Variants in CCAR1 observed in about 807,000 individuals in gnomAD.
CCAR1 encodes the protein cell division cycle and apoptosis regulator 1.
CCAR1 carries 78 observed loss-of-function variants against 163.8 expected under a neutral mutation model. The ratio of observed to expected loss-of-function variants is 0.48; its 90% CI spans 0.40 to 0.57. The LOEUF (loss-of-function observed/expected upper bound fraction) is 0.57, where lower values mean the gene tolerates loss of function less well. Ranked by LOEUF, CCAR1 falls within the 20% of genes least tolerant of loss-of-function variation. CCAR1 has a pLI of 0.00. For synonymous variants in CCAR1, 443 were observed against 460.7 expected (o/e 0.96, Z 0.49); for missense variants, 1,019 against 1,365.2 (o/e 0.75, Z 4.00).
rs768531744 is a variant in CCAR1 at position 68,771,285 on chromosome 10, T to C, written c.2378T>C (p.Leu793Pro). The C allele has an allele frequency of 6.2e-7, 1 of 1,607,332 alleles. No individual in the cohort carries two copies. The highest frequency in any genetic ancestry group is 1.7e-5 in the Admixed American group (1 of 59,268). ...CGTATATACAAATCATTACTGTCTC[T>C]TCCTGAGAAAGAGGACAAAAAAGAA... ...GVRIYKSLLS[L>P]PEKEDKKEKD... Residue 793 changes from leucine (L) to proline (P), a missense_variant, in exon 18 of 25, where the codon CTT (leucine) becomes CCT (proline). Coordinates refer to ENST00000265872, the MANE Select transcript of CCAR1 (RefSeq NM_018237.4).
chr10:68,722,867 A>G (rs919711384), intron 2 of CCAR1, among the ~76,000 whole-genome samples: 4 of 152,082 alleles, frequency 2.6e-5, no homozygotes, highest in Admixed American at 2.0e-4. Flanking sequence ...GGTTGCAGTT[A>G]GCTGAGATCG....
At chr10:68,770,570 C>T (rs998831484) in intron 17 of CCAR1, among the ~76,000 whole-genome samples, 1 of 152,030 alleles carries the variant, frequency 6.6e-6, no homozygotes, top group Non-Finnish European at 1.5e-5. Context: ...TGATGAAACT[C>T]CATCTCTACT....
intron 16 of CCAR1, among the ~76,000 whole-genome samples, chr10:68,762,095 C>G (rs1051005971): frequency 6.6e-6 from 1 of 151,506 alleles, no homozygotes; most frequent in African/African-American, 2.4e-5. Context: ...TTTGGGAGGC[C>G]GAGGTGGGCG....
chr10:68,751,841 G>A (rs148727202), intron 10 of CCAR1, among the ~76,000 whole-genome samples: 8,920 of 151,192 alleles, frequency 0.059, 359 homozygotes, highest in Middle Eastern at 0.096. Context: ...TCCAGCCTGG[G>A]AGACAGAGGG....
At chr10:68,724,504 G>A (rs1280210323) in intron 2 of CCAR1, among the ~76,000 whole-genome samples, 1 of 152,054 alleles carries the variant, frequency 6.6e-6, no homozygotes, top group African/African-American at 2.4e-5. Flanking sequence ...TACCCAGGTG[G>A]ATCTTGAACT....
rs765319673 is a variant in CCAR1, at chr10:68,791,222, G to A, written c.3409G>A (p.Glu1137Lys). ...TVLKKDNVKN[E>K]DKDQKSKENG... ...TGTCTTATAGGATAATGTAAAGAAT[G>A]AAGACAAAGATCAAAAATCCAAGGA... is the stretch of plus-strand genomic sequence containing the variant. The change falls in exon 25 of 25, where the codon GAA becomes AAA. Residue 1137 changes from glutamate (E) to lysine (K), a missense_variant. Physicochemically the swap from Glu to Lys is moderately conservative, Grantham distance 56. This residue lies in a region of CCAR1 where 358 missense variants were observed against 406.4 expected (regional missense o/e 0.88). Transcript: ENST00000265872. 6 of 1,589,440 alleles carry A rather than the reference G, an allele frequency of 3.8e-6. No homozygotes were observed. The highest frequency in any genetic ancestry group is 3.4e-6 in the Non-Finnish European group (4 of 1,160,432).
Position 68,754,049 on chromosome 10 carries a change from C to CAGATCA in CCAR1, c.1320_1321insCAAGAT (p.Asp440_Ala441insGlnAsp), listed in dbSNP as rs777960767. 1.2e-6 allele frequency: 2 copies of CAGATCA among 1,613,198 alleles called. No individual in the cohort carries two copies. Among genetic ancestry groups the CAGATCA allele is most frequent in the Non-Finnish European group, 1.7e-6 (2 of 1,179,378 alleles). On this transcript the variant is annotated inframe_insertion, in exon 11 of 25. Coordinates refer to ENST00000265872, the MANE Select transcript of CCAR1 (RefSeq NM_018237.4). ...AAAAATATGGCCATTCTTGATCCAC[C>CAGATCA]AGATGCTGACCACTTATACAGTGCA...
chr10:68,788,004 A>G lies in CCAR1; in HGVS notation c.2958A>G (p.Glu986=). The part of the protein sequence containing the change: ...YRKLTDTSKD[E]ENHEESESLQ... ...AATTAACAGACACCTCAAAAGATGAAGAGAACCATGAAGAGTCTGAGTCAT... is the reference window on the plus strand; with the variant it reads ...AATTAACAGACACCTCAAAAGATGAGGAGAACCATGAAGAGTCTGAGTCAT... The change falls in exon 22 of 25, where the codon GAA becomes GAG. Residue 986 remains glutamate, a synonymous_variant. Coordinates refer to ENST00000265872, the MANE Select transcript of CCAR1 (RefSeq NM_018237.4). 6.2e-7 allele frequency: 1 copy of G among 1,612,880 alleles called. No individual in the cohort carries two copies. The highest frequency in any genetic ancestry group is 1.1e-5 in the South Asian group (1 of 90,856).
At chr10:68,769,551 C>T (rs982917340) in intron 17 of CCAR1, among the ~76,000 whole-genome samples, 5 of 151,854 alleles carry the variant, frequency 3.3e-5, no homozygotes, top group African/African-American at 9.7e-5. Context: ...ACCTGGGAGG[C>T]GGAGGTTGCG....
At chr10:68,731,357 TAATA>T (rs1353589598) in intron 2 of CCAR1, among the ~76,000 whole-genome samples, 2 of 152,188 alleles carry the variant, frequency 1.3e-5, no homozygotes, top group Non-Finnish European at 2.9e-5. Context: ...AGGGGAGCAT[TAATA>T]AATATTTAAT....
intron 2 of CCAR1, among the ~76,000 whole-genome samples, chr10:68,734,572 C>T (rs1430598645): frequency 6.6e-6 from 1 of 152,030 alleles, no homozygotes; most frequent in Non-Finnish European, 1.5e-5. Context: ...TCTTGGCTCA[C>T]TGCAACCTCT....
intron 19 of CCAR1, among the ~76,000 whole-genome samples, chr10:68,783,675 G>A (rs971902763): frequency 7.2e-5 from 11 of 152,206 alleles, no homozygotes; most frequent in African/African-American, 2.6e-4. Flanking sequence ...GTATGATAGA[G>A]CAAGAGAACT....
At position 68,776,427 on chromosome 10, in the gene CCAR1, G is replaced by A. The variant is rs867146096; in HGVS notation, c.2650+3328G>A. ...TAAAAATACAAAAAATTAGCTGGGCGTGGTGGCGGATGCCTGTAATCCCAG... is the reference window on the plus strand; with the variant it reads ...TAAAAATACAAAAAATTAGCTGGGCATGGTGGCGGATGCCTGTAATCCCAG... On this transcript the variant is annotated intron_variant, in intron 19 of 24. Transcript: ENST00000265872. 3.9e-5 allele frequency among the ~76,000 whole-genome samples: 6 copies of A among 151,974 alleles called. No homozygotes were observed. The South Asian group carries it at 6.2e-4, about 16-fold the overall frequency.
chr10:68,749,117 T>C lies in CCAR1; in HGVS notation c.827-19T>C, dbSNP rs34521154. 0.13 allele frequency: 202,828 copies of C among 1,613,160 alleles called. 13,295 individuals carry two copies. The highest frequency in any genetic ancestry group is 0.16 in the Admixed American group (9,837 of 59,924). On this transcript the variant is annotated intron_variant, in intron 8 of 24. Transcript: ENST00000265872. ...TTTGTTTAGACACGCTAAACGTTTT[T>C]TTCTTTTATCTTTTAAAGCTGGTTT...
At chr10:68,729,869 A>C (rs1365510035) in intron 2 of CCAR1, among the ~76,000 whole-genome samples, 1 of 151,992 alleles carries the variant, frequency 6.6e-6, no homozygotes, top group Non-Finnish European at 1.5e-5. Flanking sequence ...TGTGTGCACC[A>C]ACATGTTCTG....
intron 2 of CCAR1, among the ~76,000 whole-genome samples, chr10:68,729,087 G>A (rs1378373410): frequency 6.6e-6 from 1 of 152,064 alleles, no homozygotes; most frequent in Non-Finnish European, 1.5e-5. Flanking sequence ...TGTGACTGAG[G>A]AACTGAATTT....
chr10:68,730,112 G>C (rs1042301175), intron 2 of CCAR1, among the ~76,000 whole-genome samples: 1 of 151,650 alleles, frequency 6.6e-6, no homozygotes, highest in Non-Finnish European at 1.5e-5. Flanking sequence ...AGTAGAGATG[G>C]GGTTTTGCCA....
Position 68,747,043 on chromosome 10 carries a change from GTT to G in CCAR1, c.519-116_519-115del, listed in dbSNP as rs1012439218. 5 of 583,234 alleles carry G rather than the reference GTT, an allele frequency of 8.6e-6. No individual in the cohort carries two copies. In the African/African-American group the frequency reaches 9.7e-5, roughly 11 times the overall value. 36.1% of individuals were successfully genotyped at this position (583,234 alleles called of 1,614,324 possible). A position where few individuals can be genotyped will look rare whatever the true frequency, so the allele number is the denominator to read the frequency against. ...GCTTCCATTTCTGATATAGTTTACT[GTT>G]TATTTTTTTTTGAGATATGGTTTAC... On this transcript the variant is annotated intron_variant, in intron 6 of 24. Transcript: ENST00000265872.
At chr10:68,753,715 T>A (rs565271028) in intron 10 of CCAR1, 137 bp from the exon 11 acceptor site, 20 of 645,244 alleles carry the variant, frequency 3.1e-5, no homozygotes, top group Non-Finnish European at 4.6e-5. Flanking sequence ...TATGCAAATC[T>A]ATAGCTCATT....
Sources: gnomAD v4.1 joint callset for allele counts (sites outside exome capture counted in the v4.1 genomes callset) on GRCh38, gnomAD v4.1.1 for gene constraint, gnomAD v4.1.1 regional missense constraint, MANE v1.5 for transcripts, NCBI Gene and HGNC (gene_info 2026-07-23, HGNC 2026-07-21) for gene names.